STK3: variants seen among roughly 807,000 people sequenced by gnomAD.
The protein encoded by STK3 is serine/threonine-protein kinase 3.
A neutral mutation model predicts 58.0 loss-of-function variants in STK3; 41 were observed. The ratio of observed to expected loss-of-function variants is 0.71; its 90% CI spans 0.55 to 0.92. STK3 has a LOEUF of 0.92. STK3 is among the 40% of genes least tolerant of loss of function. STK3 has a pLI of 0.00. For synonymous variants in STK3, 170 were observed against 191.0 expected, an observed-to-expected ratio of 0.89 and a Z score of 0.91; for missense variants, 479 against 602.7, an observed-to-expected ratio of 0.79 and a Z score of 2.15.
rs1268944771 is a variant in STK3, at chr8:98,419,734, C to T, written n.483+14393G>A. Among the ~76,000 whole-genome samples, 3 of 152,168 alleles carry T rather than the reference C, an allele frequency of 2.0e-5. No homozygotes were observed. The East Asian group carries it at 5.8e-4, about 29-fold the overall frequency. ...ATCAGCAGCAGAGAATGCCAGGGACCCCAGTTTCTATGATCTGCTTCTTCC... is the reference window on the plus strand; with the variant it reads ...ATCAGCAGCAGAGAATGCCAGGGACTCCAGTTTCTATGATCTGCTTCTTCC... On this transcript the variant is annotated intron_variant and non_coding_transcript_variant, in intron 3 of 3. Transcript: ENST00000517832.
At chr8:98,715,148 C>T (rs1169944953) in intron 4 of STK3, among the ~76,000 whole-genome samples, 11 of 152,238 alleles carry the variant, frequency 7.2e-5, no homozygotes, top group South Asian at 6.2e-4. Context: ...GGATTAAAGA[C>T]TTACATGTTA....
chr8:98,414,060 TCCAGA>T (rs1055907116), intron 3 of STK3, among the ~76,000 whole-genome samples: 5 of 152,142 alleles, frequency 3.3e-5, no homozygotes, highest in African/African-American at 1.2e-4. Flanking sequence ...GGCCAGGAGT[TCCAGA>T]CCAGCCTGGC....
chr8:98,522,934 C>A (rs1052435443), intron 10 of STK3, among the ~76,000 whole-genome samples: 12 of 151,998 alleles, frequency 7.9e-5, no homozygotes, highest in African/African-American at 2.9e-4. Flanking sequence ...TTTTTTAATC[C>A]ATTCATCCAT....
At chr8:98,355,407 T>C in the STK3 span, among the ~76,000 whole-genome samples, 189 of 152,364 alleles carry the variant, frequency 1.2e-3, 2 homozygotes, top group East Asian at 0.033. Flanking sequence ...TAGCTGTTTC[T>C]GAACCACATT....
chr8:98,585,562 T>C (rs1451327085), intron 7 of STK3, among the ~76,000 whole-genome samples: 46 of 149,050 alleles, frequency 3.1e-4, no homozygotes, highest in African/African-American at 1.0e-3. Context: ...TGGCTTAGGA[T>C]TGACTTGGCG....
intron 3 of STK3, among the ~76,000 whole-genome samples, chr8:98,832,244 GA>G (rs756031604): frequency 0.067 from 8,462 of 125,730 alleles, 286 homozygotes; most frequent in African/African-American, 0.1. Flanking sequence ...TCCTTTTCGT[GA>G]AAAAAAAAAA....
rs187314702 is a variant in STK3 at position 98,496,066 on chromosome 8, T to C, written c.1317+30676A>G. On this transcript the variant is annotated intron_variant, in intron 10 of 10. Coordinates refer to ENST00000419617, the MANE Select transcript of STK3 (RefSeq NM_006281.4). The stretch of plus-strand genomic sequence containing the variant: ...ATTTATAATGCTGAATAGTTATTGG[T>C]TTAAAGATCTGACCCCCAACTAGAT... Among the ~76,000 whole-genome samples, 9 of 152,250 alleles carry C rather than the reference T, an allele frequency of 5.9e-5. No individual in the cohort carries two copies. In the East Asian group the frequency reaches 1.7e-3, roughly 29 times the overall value.
At chr8:98,852,642 G>C (rs1836518952) in intron 3 of STK3, among the ~76,000 whole-genome samples, 1 of 151,974 alleles carries the variant, frequency 6.6e-6, no homozygotes, top group Non-Finnish European at 1.5e-5. Flanking sequence ...AAAGCCAGAG[G>C]GTGGAAAAAA....
chr8:98,794,198 A>G (rs964645390), intron 1 of STK3, among the ~76,000 whole-genome samples: 6 of 152,140 alleles, frequency 3.9e-5, no homozygotes, highest in African/African-American at 1.4e-4. Flanking sequence ...TCAAATTAAG[A>G]CCAAAAATAC....
intron 3 of STK3, among the ~76,000 whole-genome samples, chr8:98,417,268 A>T (rs1224202436): frequency 6.6e-6 from 1 of 152,144 alleles, no homozygotes; most frequent in Non-Finnish European, 1.5e-5. Flanking sequence ...TAATCCCAGA[A>T]CTTTGGGAGG....
At chr8:98,486,739 C>T (rs1000508181) in intron 10 of STK3, among the ~76,000 whole-genome samples, 4 of 151,984 alleles carry the variant, frequency 2.6e-5, no homozygotes, top group African/African-American at 9.7e-5. Flanking sequence ...TGAAAGAAAG[C>T]CAGATAATAC....
At chr8:98,501,100 T>C (rs1439565961) in intron 10 of STK3, among the ~76,000 whole-genome samples, 1 of 152,180 alleles carries the variant, frequency 6.6e-6, no homozygotes, top group Non-Finnish European at 1.5e-5. Flanking sequence ...ATGATCGCCA[T>C]TCTAACCGGC....
chr8:98,583,844 T>C (rs1814164288), intron 7 of STK3, among the ~76,000 whole-genome samples: 1 of 147,872 alleles, frequency 6.8e-6, no homozygotes, highest in Non-Finnish European at 1.5e-5. Flanking sequence ...AGAGAGAGTG[T>C]ATGTGTGTGT....
At chr8:98,726,874 C>A (rs940816624) in intron 4 of STK3, among the ~76,000 whole-genome samples, 1 of 152,184 alleles carries the variant, frequency 6.6e-6, no homozygotes, top group Non-Finnish European at 1.5e-5. Context: ...GACCCAAAAG[C>A]TTTGACTCAA....
In STK3 at chr8:98,832,252, A is replaced by G. The variant is rs956005695; in HGVS notation, c.110+51395T>C. Among the ~76,000 whole-genome samples, 8 of 130,584 alleles carry G rather than the reference A, an allele frequency of 6.1e-5. No individual in the cohort carries two copies. In the Admixed American group the frequency reaches 6.7e-4, roughly 11 times the overall value. 85.7% of individuals were successfully genotyped at this position (130,584 alleles called of 152,430 possible). On this transcript the variant is annotated intron_variant, in intron 3 of 12. Transcript: ENST00000523601. ...TAGTGCCTCCTTTTCGTGAAAAAAAAAAAATATATATATATATATAGATAT... is the reference window on the plus strand; with the variant it reads ...TAGTGCCTCCTTTTCGTGAAAAAAAGAAAATATATATATATATATAGATAT...
chr8:98,369,224 A>C (rs1817589874), downstream of STK3, among the ~76,000 whole-genome samples: 1 of 152,206 alleles, frequency 6.6e-6, no homozygotes, highest in Non-Finnish European at 1.5e-5. Context: ...TAATTGCATA[A>C]TTGCAGCTGG....
chr8:98,684,442 C>T (rs762286501), intron 6 of STK3, among the ~76,000 whole-genome samples: 1 of 152,134 alleles, frequency 6.6e-6, no homozygotes, highest in Non-Finnish European at 1.5e-5. Flanking sequence ...GCTCAAAGTT[C>T]CTTAAGTAAC....
At chr8:98,444,526 T>C (rs545523117) in intron 1 of STK3, among the ~76,000 whole-genome samples, 1 of 151,930 alleles carries the variant, frequency 6.6e-6, no homozygotes, top group African/African-American at 2.4e-5. Flanking sequence ...GTAGTGGAGG[T>C]AGAATAGAGG....
At chr8:98,485,563 C>T (rs897419711) in intron 10 of STK3, among the ~76,000 whole-genome samples, 9 of 152,124 alleles carry the variant, frequency 5.9e-5, no homozygotes, top group African/African-American at 1.4e-4. Context: ...GGCTGGAGAC[C>T]GTTTAACAGA....
Sources: allele counts gnomAD v4.1 joint callset (sites outside exome capture counted in the v4.1 genomes callset), GRCh38; gene constraint gnomAD v4.1.1; transcripts MANE v1.5; gene names NCBI Gene and HGNC (gene_info 2026-07-23, HGNC 2026-07-21).